The following FLT1 variants were observed in gnomAD, a reference collection of about 807,000 sequenced individuals.
FLT1 encodes fms related receptor tyrosine kinase 1.
A neutral mutation model predicts 156.3 loss-of-function variants in FLT1; 49 were observed. That is an observed-to-expected ratio of 0.31 (90% CI 0.25 to 0.40). The LOEUF is 0.40. FLT1 is among the 10% of genes least tolerant of loss of function. The pLI, the probability that FLT1 is intolerant of heterozygous loss-of-function variation, is 1.00. For synonymous variants in FLT1, 594 were observed against 583.8 expected, an observed-to-expected ratio of 1.02 and a Z score of -0.25; for missense variants, 1,322 against 1,637.2, an observed-to-expected ratio of 0.81 and a Z score of 3.32.
In FLT1 at chr13:28,473,603, C is replaced by T. The variant is rs540056265; in HGVS notation, c.65-5986G>A. ...GAGATTGCAGTGAGCCAAGACTGCG[C>T]AATTGCACTCCAGCCTGGGTGACAG... On this transcript the variant is annotated intron_variant, in intron 1 of 29. Transcript: ENST00000282397. Among the ~76,000 whole-genome samples the T allele has an allele frequency of 3.3e-5, 5 of 149,450 alleles. No individual in the cohort carries two copies. In the South Asian group the frequency reaches 1.1e-3, roughly 31 times the overall value.
chr13:28,322,255 G>A lies in FLT1; in HGVS notation c.3051+7C>T, dbSNP rs1871491186. ...AGAGAAGAAAAACAGTAAACAGCAA[G>A]ACTGACCTTTCTGGAAGACAGGAAC... On this transcript the variant is annotated splice_region_variant and intron_variant, in intron 22 of 29. Coordinates refer to ENST00000282397, the MANE Select transcript of FLT1 (RefSeq NM_002019.4). The surrounding 1 kb of genome is among the most constrained non-coding windows in gnomAD (Gnocchi z 4.3). 6.4e-7 allele frequency: 1 copy of A among 1,564,406 alleles called. No homozygotes were observed. Among genetic ancestry groups the A allele is most frequent in the Non-Finnish European group, 8.8e-7 (1 of 1,134,828 alleles).
At chr13:28,424,644 C>T (rs1054223996) in intron 10 of FLT1, among the ~76,000 whole-genome samples, 7 of 152,308 alleles carry the variant, frequency 4.6e-5, no homozygotes, top group African/African-American at 1.7e-4. Context: ...CAAGTACATT[C>T]TGTCCTCAAA....
chr13:28,372,048 G>GTGTGTATATATA (rs1288888215), intron 14 of FLT1, among the ~76,000 whole-genome samples: 3 of 75,582 alleles, frequency 4.0e-5, no homozygotes, highest in African/African-American at 1.9e-4. Flanking sequence ...GTGTGTGTGT[G>GTGTGTATATATA]TATATATATA....
chr13:28,431,215 G>A lies in FLT1; in HGVS notation c.909C>T (p.Asn303=). ...YSVLTIDKMQ[N]KDKGLYTCRV... ...GACAAGTATAAAGTCCTTTGTCTTTGTTCTGCATTTTGTCAATAGTAAGAA... is the reference window on the plus strand; with the variant it reads ...GACAAGTATAAAGTCCTTTGTCTTTATTCTGCATTTTGTCAATAGTAAGAA... The change falls in exon 7 of 30, where the codon AAC becomes AAT. Residue 303 remains asparagine (N), a synonymous_variant. Transcript: ENST00000282397. 1 of 1,613,620 alleles carries A rather than the reference G, an allele frequency of 6.2e-7. No homozygotes were observed. Among genetic ancestry groups the A allele is most frequent in the Non-Finnish European group, 8.5e-7 (1 of 1,179,544 alleles).
At chr13:28,415,321 A>G (rs1445432894) in intron 10 of FLT1, among the ~76,000 whole-genome samples, 1 of 152,094 alleles carries the variant, frequency 6.6e-6, no homozygotes, top group East Asian at 1.9e-4. Context: ...CTCTACTAAA[A>G]ATACAAAAAA....
At chr13:28,370,947 C>T (rs1873532511) in intron 14 of FLT1, among the ~76,000 whole-genome samples, 1 of 152,148 alleles carries the variant, frequency 6.6e-6, no homozygotes, top group Non-Finnish European at 1.5e-5. Context: ...CTATTGCACT[C>T]CATAAGAACT....
intron 6 of FLT1, among the ~76,000 whole-genome samples, chr13:28,432,963 C>T (rs552695777): frequency 9.8e-5 from 15 of 152,320 alleles, no homozygotes; most frequent in African/African-American, 2.9e-4. Context: ...ACTCGTTACA[C>T]GTTTTTGTTG....
chr13:28,323,661 A>AT (rs1871566069), intron 20 of FLT1, among the ~76,000 whole-genome samples: 1 of 151,346 alleles, frequency 6.6e-6, no homozygotes, highest in South Asian at 2.1e-4. Context: ...CAAAAAAAAA[A>AT]AAAAAAGCAA....
At chr13:28,463,988 G>C (rs1879721845) in intron 3 of FLT1, among the ~76,000 whole-genome samples, 1 of 152,152 alleles carries the variant, frequency 6.6e-6, no homozygotes, top group South Asian at 2.1e-4. Flanking sequence ...CAGGCTCATA[G>C]TAACTGTTTC....
intron 15 of FLT1, among the ~76,000 whole-genome samples, chr13:28,349,129 G>A (rs1254121705): frequency 6.6e-6 from 1 of 152,148 alleles, no homozygotes; most frequent in Non-Finnish European, 1.5e-5. Context: ...GTAGGGCTAT[G>A]GTCCTCTTCT....
chr13:28,345,295 A>T, intron 16 of FLT1, 150 bp downstream of exon 16: 1 of 648,986 alleles, frequency 1.5e-6, no homozygotes. Context: ...TTGATGATTT[A>T]TTTTCTTTCT....
At chr13:28,423,278 C>G (rs376644136) in intron 10 of FLT1, among the ~76,000 whole-genome samples, 1 of 152,178 alleles carries the variant, frequency 6.6e-6, no homozygotes, top group South Asian at 2.1e-4. Flanking sequence ...GGGAGAATTA[C>G]TTCATTCCCT....
In FLT1 at chr13:28,322,910, T is replaced by C; in HGVS notation, c.2833A>G (p.Met945Val). The change falls in exon 21 of 30, where the codon ATG becomes GTG. Residue 945 changes from methionine (M) to valine (V), a missense_variant. Transcript: ENST00000282397. This position sits in a 1 kb window ranked among gnomAD's most constrained non-coding sequence, Gnocchi z 4.3. ...TTGCCTTGTTCCAGGCCTGGCTCCA[T>C]TTTTTCTTTCTTAGGCTCCATGTGT... ...ALHMEPKKEKMEPGLEQGKKP... is the reference protein window; with the variant it reads ...ALHMEPKKEKVEPGLEQGKKP... 6.2e-7 allele frequency: 1 copy of C among 1,614,148 alleles called. No individual in the cohort carries two copies. Among genetic ancestry groups the C allele is most frequent in the Non-Finnish European group, 8.5e-7 (1 of 1,180,022 alleles).
At chr13:28,411,964 A>C (rs1275897050) in intron 10 of FLT1, among the ~76,000 whole-genome samples, 1 of 152,196 alleles carries the variant, frequency 6.6e-6, no homozygotes, top group Non-Finnish European at 1.5e-5. Context: ...GTTTAATGAG[A>C]TTGTACTGCA....
chr13:28,368,820 T>C (rs971706018), intron 14 of FLT1, among the ~76,000 whole-genome samples: 19 of 150,660 alleles, frequency 1.3e-4, no homozygotes, highest in African/African-American at 4.6e-4. Flanking sequence ...TTCTTCTGCC[T>C]CAGCCTCCTG....
At chr13:28,421,411 G>C (rs1172637677) in intron 10 of FLT1, among the ~76,000 whole-genome samples, 1 of 152,198 alleles carries the variant, frequency 6.6e-6, no homozygotes, top group Non-Finnish European at 1.5e-5. Context: ...CAAAGCTTTA[G>C]AGCTAACTGG....
At chr13:28,382,254 G>A (rs34191240) in intron 14 of FLT1, among the ~76,000 whole-genome samples, 3,225 of 152,252 alleles carry the variant, frequency 0.021, 59 homozygotes, top group Non-Finnish European at 0.033. Flanking sequence ...TAAGGGATGC[G>A]ACAAAGGAAG....
At chr13:28,401,824 G>A (rs1023472043) in intron 11 of FLT1, among the ~76,000 whole-genome samples, 6 of 152,188 alleles carry the variant, frequency 3.9e-5, no homozygotes, top group African/African-American at 1.2e-4. Context: ...TCTCATACAG[G>A]ACACATTTCT....
intron 29 of FLT1, among the ~76,000 whole-genome samples, chr13:28,304,510 G>GTT (rs373993107): frequency 6.9e-6 from 1 of 144,734 alleles, no homozygotes. Context: ...CCTGTCTGGT[G>GTT]TTTTTTTTTT....
Sources: gnomAD v4.1 joint callset for allele counts (sites outside exome capture counted in the v4.1 genomes callset) on GRCh38, gnomAD v4.1.1 for gene constraint, Gnocchi (gnomAD v3.1) non-coding constraint, MANE v1.5 for transcripts, NCBI Gene and HGNC (gene_info 2026-07-23, HGNC 2026-07-21) for gene names.